The following CDH18 variants were observed in gnomAD, a reference collection of about 807,000 sequenced individuals.
The protein encoded by CDH18 is cadherin 18.
CDH18 carries 31 observed loss-of-function variants against 67.9 expected under a neutral mutation model. The observed-to-expected ratio is 0.46, with a 90% confidence interval of 0.34 to 0.62. The LOEUF (loss-of-function observed/expected upper bound fraction) is 0.62, where lower values mean the gene tolerates loss of function less well. Ranked by LOEUF, CDH18 falls within the 20% of genes least tolerant of loss-of-function variation. CDH18 has a pLI of 0.01. For missense variants in CDH18, 890 were observed against 975.5 expected (o/e 0.91, Z 1.17); for synonymous variants, 362 against 347.2 (o/e 1.04, Z -0.48).
chr5:19,630,667 T>C (rs1385801109), intron 5 of CDH18, among the ~76,000 whole-genome samples: 3 of 152,148 alleles, frequency 2.0e-5, no homozygotes, highest in African/African-American at 4.8e-5. Context: ...CAGGAAGTAA[T>C]AGAAGTAGGC....
intron 2 of CDH18, among the ~76,000 whole-genome samples, chr5:20,016,474 G>T (rs1405713810): frequency 6.6e-6 from 1 of 151,968 alleles, no homozygotes; most frequent in Admixed American, 6.6e-5. Context: ...AAGTTTTTCA[G>T]AAAAAGAAAA....
intron 1 of CDH18, among the ~76,000 whole-genome samples, chr5:20,407,942 G>C (rs1191750400): frequency 6.6e-6 from 1 of 151,730 alleles, no homozygotes; most frequent in Admixed American, 6.6e-5. Flanking sequence ...ATAAAACCAA[G>C]GAAATCCACA....
At chr5:20,199,625 C>T (rs1739284184) in intron 2 of CDH18, among the ~76,000 whole-genome samples, 1 of 152,108 alleles carries the variant, frequency 6.6e-6, no homozygotes, top group Non-Finnish European at 1.5e-5. Flanking sequence ...GTTGAGAAGG[C>T]ATGACTGTGT....
intron 1 of CDH18, among the ~76,000 whole-genome samples, chr5:20,301,691 GCT>G (rs1041588596): frequency 1.3e-5 from 2 of 151,914 alleles, no homozygotes; most frequent in Admixed American, 6.6e-5. Context: ...TACTGAAAAG[GCT>G]CTCAGTGAAA....
rs1736152488 is a variant in CDH18, at chr5:20,164,680, GGAA to G, written c.-518+90761_-518+90763del. On this transcript the variant is annotated intron_variant, in intron 2 of 14. Coordinates refer to the CDH18 transcript ENST00000507958. ...ACTAGTTAAATATAAGTAAATTAGAGGAAGAAGAATCATTCTCAAAGTTTTTAG... is the reference window on the plus strand; with the variant it reads ...ACTAGTTAAATATAAGTAAATTAGAGGAAGAATCATTCTCAAAGTTTTTAG... Among the ~76,000 whole-genome samples, 3 of 152,068 alleles carry G rather than the reference GGAA, an allele frequency of 2.0e-5. No homozygotes were observed. The East Asian group carries it at 5.8e-4, about 29-fold the overall frequency.
chr5:20,028,461 T>A (rs1263156755), intron 2 of CDH18, among the ~76,000 whole-genome samples: 2 of 152,164 alleles, frequency 1.3e-5, no homozygotes, highest in Non-Finnish European at 2.9e-5. Flanking sequence ...TATCTACTAC[T>A]TCCTGAGTAA....
intron 5 of CDH18, among the ~76,000 whole-genome samples, chr5:19,684,181 T>C (rs1382518966): frequency 6.6e-6 from 1 of 152,116 alleles, no homozygotes; most frequent in Non-Finnish European, 1.5e-5. Flanking sequence ...GACAAATGTC[T>C]ACTATTTTTA....
chr5:20,016,698 G>GTATC (rs1310775351), intron 2 of CDH18, among the ~76,000 whole-genome samples: 1 of 152,104 alleles, frequency 6.6e-6, no homozygotes, highest in Non-Finnish European at 1.5e-5. Context: ...GAACAATGCA[G>GTATC]TATCTAACCT....
chr5:20,192,197 G>A (rs1210555911), intron 2 of CDH18, among the ~76,000 whole-genome samples: 2 of 150,196 alleles, frequency 1.3e-5, no homozygotes, highest in East Asian at 2.0e-4. Context: ...CCCACTTTTC[G>A]ACGTTTTTTT....
Position 19,972,474 on chromosome 5 carries a change from G to A in CDH18, c.-257+8586C>T, listed in dbSNP as rs777366709. On this transcript the variant is annotated intron_variant, in intron 2 of 12. Coordinates refer to ENST00000382275, the MANE Select transcript of CDH18 (RefSeq NM_004934.5). ...GAAGGCGGTGCATTATCAATAAAGCGAAAGTGGCAAATTAAAACAATTGAT... is the reference window on the plus strand; with the variant it reads ...GAAGGCGGTGCATTATCAATAAAGCAAAAGTGGCAAATTAAAACAATTGAT... Among the ~76,000 whole-genome samples, 11 of 151,964 alleles carry A rather than the reference G, an allele frequency of 7.2e-5. No individual in the cohort carries two copies. In the East Asian group the frequency reaches 1.3e-3, roughly 19 times the overall value.
At chr5:19,666,242 T>C (rs1265581990) in intron 5 of CDH18, among the ~76,000 whole-genome samples, 1 of 100,686 alleles carries the variant, frequency 9.9e-6, no homozygotes, top group Non-Finnish European at 1.7e-5. Flanking sequence ...TGATTTTTAT[T>C]ATTATTATTA....
chr5:19,920,804 GC>G (rs1195067901), intron 2 of CDH18, among the ~76,000 whole-genome samples: 1 of 151,674 alleles, frequency 6.6e-6, no homozygotes, highest in African/African-American at 2.4e-5. Context: ...AAGCCACCGT[GC>G]CCGGCCCCAT....
chr5:19,634,322 A>G (rs1317901206), intron 5 of CDH18, among the ~76,000 whole-genome samples: 1 of 152,164 alleles, frequency 6.6e-6, no homozygotes, highest in Non-Finnish European at 1.5e-5. Flanking sequence ...AAAATATTTA[A>G]TGATTAAAAA....
chr5:20,275,058 T>A (rs1378060130), intron 1 of CDH18, among the ~76,000 whole-genome samples: 2 of 152,148 alleles, frequency 1.3e-5, no homozygotes, highest in African/African-American at 2.4e-5. Flanking sequence ...ACAAGAGGGA[T>A]CCTGAAGAAA....
chr5:19,744,315 T>G (rs1769663605), intron 4 of CDH18, among the ~76,000 whole-genome samples: 1 of 152,144 alleles, frequency 6.6e-6, no homozygotes, highest in African/African-American at 2.4e-5. Flanking sequence ...GTAAGAGAAC[T>G]TAAGAATATT....
At chr5:20,034,463 A>C (rs1267031271) in intron 2 of CDH18, among the ~76,000 whole-genome samples, 2 of 152,042 alleles carry the variant, frequency 1.3e-5, no homozygotes, top group Non-Finnish European at 2.9e-5. Flanking sequence ...ATATTTGGTT[A>C]AACATTATTT....
chr5:20,344,031 C>T (rs145460845), intron 1 of CDH18, among the ~76,000 whole-genome samples: 2,844 of 152,230 alleles, frequency 0.019, 31 homozygotes, highest in Non-Finnish European at 0.032. Context: ...AGAAATAAAA[C>T]CTTGGTATTC....
chr5:19,706,177 G>A (rs1285633571), intron 5 of CDH18, among the ~76,000 whole-genome samples: 2 of 152,124 alleles, frequency 1.3e-5, no homozygotes, highest in Non-Finnish European at 2.9e-5. Context: ...TCATACAGAT[G>A]AGCAACTGAT....
chr5:19,811,161 G>GAGAGAAAGAAA (rs1491122708), intron 3 of CDH18, among the ~76,000 whole-genome samples: 1 of 27,566 alleles, frequency 3.6e-5, no homozygotes, highest in African/African-American at 1.8e-4. Flanking sequence ...AAAGAAAGAA[G>GAGAGAAAGAAA]GAGAGAAAGA....
Sources: allele counts gnomAD v4.1 joint callset (sites outside exome capture counted in the v4.1 genomes callset), GRCh38; gene constraint gnomAD v4.1.1; transcripts MANE v1.5; gene names NCBI Gene and HGNC (gene_info 2026-07-23, HGNC 2026-07-21).